Variants in ZNF106 observed in about 807,000 individuals in gnomAD.
ZNF106 encodes zinc finger protein 106, also known as SH3-domain binding protein 3.
A neutral mutation model predicts 195.1 loss-of-function variants in ZNF106; 67 were observed. The ratio of observed to expected loss-of-function variants is 0.34; its 90% CI spans 0.28 to 0.42. The LOEUF is 0.42. ZNF106 is among the 10% of genes least tolerant of loss of function. The pLI, the probability that ZNF106 is intolerant of heterozygous loss-of-function variation, is 1.00. For synonymous variants in ZNF106, 784 were observed against 818.6 expected (o/e 0.96, Z 0.72); for missense variants, 2,118 against 2,304.5 (o/e 0.92, Z 1.66).
intron 3 of ZNF106, 194 bp from the exon 4 acceptor site, chr15:42,457,352 T>A: frequency 1.4e-6 from 2 of 1,434,296 alleles, no homozygotes. Flanking sequence ...GATTTTAAGA[T>A]TCTTTTCCAG....
At chr15:42,432,926 T>C (rs1233882471) in intron 14 of ZNF106, among the ~76,000 whole-genome samples, 1 of 152,070 alleles carries the variant, frequency 6.6e-6, no homozygotes, top group African/African-American at 2.4e-5. Flanking sequence ...AAGATTTTGA[T>C]GTTACTTTTG....
chr15:42,481,175 T>A (rs184354555), intron 1 of ZNF106, among the ~76,000 whole-genome samples: 1 of 152,160 alleles, frequency 6.6e-6, no homozygotes, highest in Admixed American at 6.5e-5. Context: ...AGTTTTAAAA[T>A]ATCTACCCAG....
intron 15 of ZNF106, among the ~76,000 whole-genome samples, chr15:42,426,968 G>A (rs1279775993): frequency 6.6e-6 from 1 of 152,086 alleles, no homozygotes; most frequent in Non-Finnish European, 1.5e-5. Flanking sequence ...TAAGTTTCCT[G>A]TAGGCAGAAA....
intron 5 of ZNF106, among the ~76,000 whole-genome samples, chr15:42,449,019 CAA>C (rs892724008): frequency 1.5e-5 from 2 of 132,702 alleles, no homozygotes; most frequent in South Asian, 2.4e-4. Context: ...CAAACCAAAA[CAA>C]AAAAAAAAAC....
intron 2 of ZNF106, among the ~76,000 whole-genome samples, chr15:42,469,587 C>T (rs988280180): frequency 3.3e-5 from 5 of 151,984 alleles, no homozygotes; most frequent in Admixed American, 2.0e-4. Flanking sequence ...CCTGTAATTA[C>T]GCCCAGTACT....
At chr15:42,458,265 G>A (rs1302172160) in intron 3 of ZNF106, among the ~76,000 whole-genome samples, 6 of 151,714 alleles carry the variant, frequency 4.0e-5, no homozygotes, top group South Asian at 2.1e-4. Flanking sequence ...ATACACACAC[G>A]TGCACCTCTG....
intron 3 of ZNF106, among the ~76,000 whole-genome samples, chr15:42,462,017 G>A (rs2056402601): frequency 6.6e-6 from 1 of 152,120 alleles, no homozygotes; most frequent in African/African-American, 2.4e-5. Context: ...ATTTGTTACA[G>A]GTCAGGAACA....
At chr15:42,438,971 T>C in intron 11 of ZNF106, 62 bp downstream of exon 11, 3 of 1,513,236 alleles carry the variant, frequency 2.0e-6, no homozygotes, top group South Asian at 1.3e-5. Flanking sequence ...TAATTTCAAA[T>C]TCTATTTAAA....
At chr15:42,418,872 T>C (rs1039796652) in intron 20 of ZNF106, among the ~76,000 whole-genome samples, 4 of 152,080 alleles carry the variant, frequency 2.6e-5, no homozygotes, top group African/African-American at 9.7e-5. Context: ...TTTTAAGCTA[T>C]AATTTTACTT....
At chr15:42,487,499 A>AC (rs1567036741) in intron 1 of ZNF106, among the ~76,000 whole-genome samples, 1 of 151,168 alleles carries the variant, frequency 6.6e-6, no homozygotes, top group Non-Finnish European at 1.5e-5. Flanking sequence ...TCAAAAAAAA[A>AC]AAAAAAAAAA....
At chr15:42,486,535 A>C (rs2057020226) in intron 1 of ZNF106, among the ~76,000 whole-genome samples, 1 of 152,214 alleles carries the variant, frequency 6.6e-6, no homozygotes, top group Non-Finnish European at 1.5e-5. Context: ...CTAGGATTAC[A>C]GGTATGAGCC....
intron 3 of ZNF106, among the ~76,000 whole-genome samples, chr15:42,458,146 C>T (rs1459180595): frequency 6.6e-6 from 1 of 152,084 alleles, no homozygotes; most frequent in Non-Finnish European, 1.5e-5. Context: ...AACTCTGTAT[C>T]ATGTGTCCTG....
chr15:42,442,049 T>C, intron 10 of ZNF106, 24 bp downstream of exon 10: 1 of 1,579,626 alleles, frequency 6.3e-7, no homozygotes. Flanking sequence ...GGGATGCCCT[T>C]AACCCAGAGA....
intron 2 of ZNF106, among the ~76,000 whole-genome samples, chr15:42,469,178 G>A (rs779450756): frequency 1.1e-3 from 167 of 151,696 alleles, no homozygotes; most frequent in Admixed American, 3.2e-3. Flanking sequence ...AGAGCAAAAC[G>A]CCGTCTAAAA....
At chr15:42,424,595 C>T (rs937453465) in intron 16 of ZNF106, 1 of 430,244 alleles carries the variant, frequency 2.3e-6, no homozygotes, top group Non-Finnish European at 4.2e-6. Flanking sequence ...AAGTGATTCT[C>T]CCACCTCAGC....
rs764369080 is a variant in ZNF106 at position 42,450,721 on chromosome 15, A to G, written c.1551T>C (p.Thr517=). 2.5e-6 allele frequency: 4 copies of G among 1,614,188 alleles called. No individual in the cohort carries two copies. Among genetic ancestry groups the G allele is most frequent in the Non-Finnish European group, 3.4e-6 (4 of 1,180,036 alleles). ...TGTAAGGACCATGGTTATCTTCCAC[A>G]GTGGGCTTGTTCGAGGGATTTGAGT... ...GEHSNPSNKP[T]VEDNHGPYIS... Residue 517 remains threonine, a synonymous_variant, in exon 5 of 22, where the codon ACT becomes ACC. Transcript: ENST00000564754.
At position 42,414,866 on chromosome 15, in the gene ZNF106, C is replaced by A. The variant is rs572572555; in HGVS notation, c.*2438G>T. On this transcript the variant is annotated 3_prime_UTR_variant, in exon 22 of 22. Coordinates refer to ENST00000564754, the MANE Select transcript of ZNF106 (RefSeq NM_001366845.3). ...CGGGAAATGACCATTCCCAAACCCA[C>A]AGAACAGTTTGGCTTCTCTGGATAT... 1 of 152,340 alleles carries A rather than the reference C, an allele frequency of 6.6e-6. No individual in the cohort carries two copies. The highest frequency in any genetic ancestry group is 1.5e-5 in the Non-Finnish European group (1 of 68,064). 9.4% of individuals were successfully genotyped at this position (152,340 alleles called of 1,614,324 possible).
intron 3 of ZNF106, among the ~76,000 whole-genome samples, chr15:42,460,469 T>C (rs923081619): frequency 2.0e-5 from 3 of 152,182 alleles, no homozygotes; most frequent in African/African-American, 7.2e-5. Context: ...TCAAACCATT[T>C]TGCAATCCTA....
Position 42,439,785 on chromosome 15 carries a change from A to C in ZNF106, c.3792T>G (p.Tyr1264Ter), listed in dbSNP as rs756823183. ...NREISDSCPV[Y>*]PVITARLSLP... ...AGGACAATCTAGCAGTGATGACTGG[A>C]TAAACTGGACAACTGTCACTGATCT... Residue 1264 changes from tyrosine to a stop codon, truncating the protein, a stop_gained, in exon 11 of 22, where the codon TAT (tyrosine) becomes TAG (stop). Coordinates refer to ENST00000564754, the MANE Select transcript of ZNF106 (RefSeq NM_001366845.3). LOFTEE classifies it high-confidence loss of function. The C allele has an allele frequency of 6.4e-7, 1 of 1,574,158 alleles. No individual in the cohort carries two copies. Among genetic ancestry groups the C allele is most frequent in the South Asian group, 1.2e-5 (1 of 83,962 alleles).
Sources: gnomAD v4.1 joint callset for allele counts (sites outside exome capture counted in the v4.1 genomes callset) on GRCh38, gnomAD v4.1.1 for gene constraint, MANE v1.5 for transcripts, NCBI Gene and HGNC (gene_info 2026-07-23, HGNC 2026-07-21) for gene names.